The following CYP2S1 variants were observed in gnomAD, a reference collection of about 807,000 sequenced individuals.
The protein encoded by CYP2S1 is cytochrome P450 2S1.
CYP2S1 carries 32 observed loss-of-function variants against 43.5 expected under a neutral mutation model. The ratio of observed to expected loss-of-function variants is 0.74; its 90% CI spans 0.56 to 0.99. CYP2S1 has a LOEUF of 0.99. Among genes scored for constraint, CYP2S1 ranks in the 50% least tolerant of loss-of-function variants. The pLI is 0.00. For synonymous variants in CYP2S1, 283 were observed against 302.9 expected (o/e 0.93, Z 0.68); for missense variants, 575 against 673.9 (o/e 0.85, Z 1.62).
chr19:41,201,398 C>T (rs1260109508), intron 6 of CYP2S1, 26 bp downstream of exon 6: 2 of 1,610,382 alleles, frequency 1.2e-6, no homozygotes, highest in East Asian at 4.5e-5. Context: ...ACTTGCCAGG[C>T]CTTGGGAACA....
At chr19:41,202,207 C>G (rs559875257) in intron 6 of CYP2S1, among the ~76,000 whole-genome samples, 2 of 152,028 alleles carry the variant, frequency 1.3e-5, no homozygotes, top group Non-Finnish European at 2.9e-5. Context: ...AGGCTGGTCC[C>G]GAACTCCTGA....
chr19:41,202,882 C>T (rs1341291834), intron 6 of CYP2S1, among the ~76,000 whole-genome samples: 3 of 151,994 alleles, frequency 2.0e-5, no homozygotes, highest in African/African-American at 4.8e-5. Flanking sequence ...AGGTGGATCA[C>T]CTGAGGTCAG....
intron 2 of CYP2S1, 51 bp downstream of exon 2, chr19:41,194,760 GGT>G (rs1199014539): frequency 6.3e-7 from 1 of 1,579,342 alleles, no homozygotes; most frequent in East Asian, 2.3e-5. Context: ...ACCACTTACT[GGT>G]GTGTGACCTT....
chr19:41,201,265 AG>A lies in CYP2S1; in HGVS notation c.870del (p.Asn291ThrfsTer3), dbSNP rs1479808327. The A allele has an allele frequency of 6.2e-7, 1 of 1,614,090 alleles. No individual in the cohort carries two copies. Among genetic ancestry groups the A allele is most frequent in the African/African-American group, 1.3e-5 (1 of 74,944 alleles). On this transcript the variant is annotated frameshift_variant, in exon 6 of 9. Coordinates refer to ENST00000310054, the MANE Select transcript of CYP2S1 (RefSeq NM_030622.8). LOFTEE classifies it high-confidence loss of function. ...EQNPGTEFTN[K>X]NMLMTVIYLL... ...AACCCAGGCACAGAATTCACCAACA[AG>A]AACATGCTGATGACAGTCATTTATT...
rs1555726832 is a variant in CYP2S1 at position 41,198,252 on chromosome 19, T to C, written c.494-210T>C. Among the ~76,000 whole-genome samples, 1 of 152,074 alleles carries C rather than the reference T, an allele frequency of 6.6e-6. No homozygotes were observed. Among genetic ancestry groups the C allele is most frequent in the Non-Finnish European group, 1.5e-5 (1 of 68,000 alleles). ...CAGTCTATCTCTGTTTCTGTCTCCC[T>C]GTCTGTGTGATGGTCACTCTGTTTC... On this transcript the variant is annotated intron_variant, in intron 3 of 8. Coordinates refer to ENST00000310054, the MANE Select transcript of CYP2S1 (RefSeq NM_030622.8). This position sits in a 1 kb window ranked among gnomAD's most constrained non-coding sequence, Gnocchi z 4.9.
intron 3 of CYP2S1, 67 bp downstream of exon 3, chr19:41,197,995 G>A (rs1310038446): frequency 1.3e-6 from 2 of 1,520,866 alleles, no homozygotes; most frequent in African/African-American, 1.4e-5. Flanking sequence ...TACTGTGGCT[G>A]GGGGTGGCCC....
intron 7 of CYP2S1, 89 bp from the exon 8 acceptor site, chr19:41,205,869 C>T: frequency 7.3e-6 from 11 of 1,511,496 alleles, no homozygotes; most frequent in Non-Finnish European, 9.8e-6. Flanking sequence ...AACTAGTGTC[C>T]CTGGCACCCG....
At chr19:41,205,846 A>T in intron 7 of CYP2S1, 112 bp from the exon 8 acceptor site, 1 of 1,368,004 alleles carries the variant, frequency 7.3e-7, no homozygotes, top group South Asian at 1.4e-5. Context: ...TGTTGATGCC[A>T]TTAGGTTTTG....
Position 41,198,839 on chromosome 19 carries a change from C to T in CYP2S1, c.785C>T (p.Ser262Leu), listed in dbSNP as rs762923707. ...CAGCACCAGGGGAACCTGGATGCTT[C>T]GGGCCCCGCACGTGACCTTGTCGAT... ...VQQHQGNLDA[S>L]GPARDLVDAF... Residue 262 changes from serine (S) to leucine (L), a missense_variant, in exon 5 of 9, where the codon TCG becomes TTG. Transcript: ENST00000310054. This position sits in a 1 kb window ranked among gnomAD's most constrained non-coding sequence, Gnocchi z 4.9. 12 of 1,614,054 alleles carry T rather than the reference C, an allele frequency of 7.4e-6. No individual in the cohort carries two copies. The Admixed American group carries it at 8.3e-5, about 11-fold the overall frequency.
At chr19:41,204,380 T>C (rs2033534360) in intron 7 of CYP2S1, among the ~76,000 whole-genome samples, 1 of 149,538 alleles carries the variant, frequency 6.7e-6, no homozygotes, top group African/African-American at 2.4e-5. Context: ...TAGCCCCTGC[T>C]GCAGACACAT....
At chr19:41,204,250 C>T (rs942122993) in intron 7 of CYP2S1, among the ~76,000 whole-genome samples, 86 of 152,172 alleles carry the variant, frequency 5.7e-4, no homozygotes, top group Non-Finnish European at 5.9e-5. Flanking sequence ...ATCTGCCCCA[C>T]AGATCTCCCA....
At chr19:41,193,737 G>T in intron 1 of CYP2S1, 1 of 363,944 alleles carries the variant, frequency 2.7e-6, no homozygotes, top group Non-Finnish European at 4.5e-6. Context: ...GGCTGAAAGA[G>T]ACAGGAGTCC....
At chr19:41,199,026 T>C (rs2033454226) in intron 5 of CYP2S1, 138 bp downstream of exon 5, 4 of 1,047,742 alleles carry the variant, frequency 3.8e-6, no homozygotes, top group Middle Eastern at 5.7e-4. Flanking sequence ...TGAGTGTCTC[T>C]GTGCATGTGT....
chr19:41,203,763 A>G, intron 7 of CYP2S1, 126 bp downstream of exon 7: 2 of 979,936 alleles, frequency 2.0e-6, no homozygotes, highest in Non-Finnish European at 2.8e-6. Flanking sequence ...CTCTGTCTTT[A>G]TCTCCCTCTC....
At chr19:41,202,160 GTA>G (rs1235011632) in intron 6 of CYP2S1, among the ~76,000 whole-genome samples, 1 of 152,000 alleles carries the variant, frequency 6.6e-6, no homozygotes, top group Non-Finnish European at 1.5e-5. Context: ...GCTAACTTTT[GTA>G]TGTTTAGTAG....
chr19:41,194,186 T>C lies in CYP2S1; in HGVS notation c.178-358T>C, dbSNP rs555481305. 1.4e-4 allele frequency among the ~76,000 whole-genome samples: 22 copies of C among 151,996 alleles called. No homozygotes were observed. The East Asian group carries it at 3.3e-3, about 23-fold the overall frequency. On this transcript the variant is annotated intron_variant, in intron 1 of 8. Coordinates refer to ENST00000310054, the MANE Select transcript of CYP2S1 (RefSeq NM_030622.8). ...AGTGTCTGCTCCAGAATTTCAGGGT[T>C]TTGTGGTGACTGAAAGGGGTGGCTG...
In CYP2S1 at chr19:41,198,585, G is replaced by C. The variant is rs372980086; in HGVS notation, c.617G>C (p.Gly206Ala). Residue 206 changes from glycine to alanine, a missense_variant, in exon 4 of 9, where the codon GGT (glycine) becomes GCT (alanine). Transcript: ENST00000310054. This position sits in a 1 kb window ranked among gnomAD's most constrained non-coding sequence, Gnocchi z 4.9. ...TTCCAGGCCGTGGTCCGGGCAGCTG[G>C]TGGTACCCTGCTGGGAGTCAGCTCC... is the stretch of plus-strand genomic sequence containing the variant. ...KEFQAVVRAA[G>A]GTLLGVSSQG... The C allele has an allele frequency of 3.7e-6, 6 of 1,614,096 alleles. No individual in the cohort carries two copies. Among genetic ancestry groups the C allele is most frequent in the Non-Finnish European group, 5.1e-6 (6 of 1,180,044 alleles).
In CYP2S1 at chr19:41,206,781, C is replaced by T. The variant is rs1001719664; in HGVS notation, c.*293C>T. 1.6e-6 allele frequency: 1 copy of T among 608,746 alleles called. No individual in the cohort carries two copies. Among genetic ancestry groups the T allele is most frequent in the Admixed American group, 2.1e-5 (1 of 48,424 alleles). The allele number at this position is 608,746 out of a possible 1,614,324, so 37.7% of individuals were successfully genotyped here. A position where few individuals can be genotyped will look rare whatever the true frequency, so the allele number is the denominator to read the frequency against. On this transcript the variant is annotated 3_prime_UTR_variant, in exon 9 of 9. Coordinates refer to ENST00000310054, the MANE Select transcript of CYP2S1 (RefSeq NM_030622.8). ...ATCACAAGCACATAGCCAGGTAACC[C>T]ACCAACTCCCCTGGATCTGCAGCCC...
intron 1 of CYP2S1, 48 bp from the exon 2 acceptor site, chr19:41,194,496 G>A (rs745564289): frequency 1.5e-5 from 23 of 1,506,034 alleles, no homozygotes; most frequent in Middle Eastern, 1.8e-4. Flanking sequence ...AGACACCTTG[G>A]ATCGAAGAGG....
Sources: gnomAD v4.1 joint callset for allele counts (sites outside exome capture counted in the v4.1 genomes callset) on GRCh38, gnomAD v4.1.1 for gene constraint, Gnocchi (gnomAD v3.1) non-coding constraint, MANE v1.5 for transcripts, NCBI Gene and HGNC (gene_info 2026-07-23, HGNC 2026-07-21) for gene names.